PRPH2: variants seen among roughly 807,000 people sequenced by gnomAD.
PRPH2 encodes the protein peripherin 2, also known as peripherin-2.
PRPH2 carries 17 observed loss-of-function variants against 31.3 expected under a neutral mutation model. That is an observed-to-expected ratio of 0.54 (90% CI 0.37 to 0.81). The LOEUF is 0.81. Ranked by LOEUF, PRPH2 falls within the 40% of genes least tolerant of loss-of-function variation. PRPH2 has a pLI of 0.00. For synonymous variants in PRPH2, 165 were observed against 184.4 expected, an observed-to-expected ratio of 0.89 and a Z score of 0.85; for missense variants, 430 against 439.7, an observed-to-expected ratio of 0.98 and a Z score of 0.20.
At position 42,704,345 on chromosome 6, in the gene PRPH2, C is replaced by T. The variant is rs765805559; in HGVS notation, c.828+20G>A. 1.4e-4 allele frequency: 218 copies of T among 1,603,462 alleles called. No individual in the cohort carries two copies. Among genetic ancestry groups the T allele is most frequent in the Non-Finnish European group, 1.7e-4 (199 of 1,175,230 alleles). On this transcript the variant is annotated intron_variant, in intron 2 of 2. Transcript: ENST00000230381. ...CGGAGGCTCTCCTTACCCTCTACCC[C>T]CAGCTGGCCCAGGGCCTACCTCGAA...
rs534872613 is a variant in PRPH2 at position 42,715,440 on chromosome 6, G to A, written c.581+6314C>T. On this transcript the variant is annotated intron_variant, in intron 1 of 2. Transcript: ENST00000230381. ...AATCCCAGCAATTTGGGAGGCCGAG[G>A]CAGGCGGATCACTTGAGGTCAGAAG... Among the ~76,000 whole-genome samples the A allele has an allele frequency of 3.3e-5, 5 of 152,204 alleles. No homozygotes were observed. The East Asian group carries it at 9.7e-4, about 30-fold the overall frequency.
chr6:42,708,342 C>T (rs961964377), intron 1 of PRPH2, among the ~76,000 whole-genome samples: 8 of 152,260 alleles, frequency 5.3e-5, no homozygotes, highest in South Asian at 4.1e-4. Flanking sequence ...AGCCCCACTC[C>T]AGCCATGTGC....
rs59389246 is a variant in PRPH2 at position 42,704,165 on chromosome 6, G to GAATA, written c.828+196_828+199dup. 0.23 allele frequency among the ~76,000 whole-genome samples: 34,266 copies of GAATA among 150,070 alleles called. 4,000 individuals are homozygous for GAATA. Among genetic ancestry groups the GAATA allele is most frequent in the African/African-American group, 0.28 (11,231 of 40,696 alleles). On this transcript the variant is annotated intron_variant, in intron 2 of 2. Coordinates refer to ENST00000230381, the MANE Select transcript of PRPH2 (RefSeq NM_000322.5). ...GAAAGAAACCAAAAAAGAAATAAAT[G>GAATA]AATAAATAAATAAATAAATAAATAC... is the stretch of plus-strand genomic sequence containing the variant.
At chr6:42,717,671 AT>A (rs1033857074) in intron 1 of PRPH2, among the ~76,000 whole-genome samples, 1 of 152,136 alleles carries the variant, frequency 6.6e-6, no homozygotes, top group Non-Finnish European at 1.5e-5. Context: ...AACAGAAAAA[AT>A]TTTTTAGTTT....
chr6:42,722,388 C>T lies in PRPH2; in HGVS notation c.-54G>A. The T allele has an allele frequency of 1.9e-6, 3 of 1,606,860 alleles. No individual in the cohort carries two copies. The highest frequency in any genetic ancestry group is 1.7e-4 in the Middle Eastern group (1 of 5,998). ...CCACAGCACAGCTCCCACCCCAAAC[C>T]TTAACGAGCCCAGAGGCGGAGACTT... On this transcript the variant is annotated 5_prime_UTR_variant, in exon 1 of 3. Transcript: ENST00000230381. The surrounding 1 kb of genome is among the most constrained non-coding windows in gnomAD (Gnocchi z 4.4).
chr6:42,716,344 G>A (rs964607933), intron 1 of PRPH2, among the ~76,000 whole-genome samples: 1 of 151,836 alleles, frequency 6.6e-6, no homozygotes, highest in African/African-American at 2.4e-5. Context: ...ATGGTTGCTT[G>A]AAACCAGGAG....
At chr6:42,710,870 C>T (rs1261328778) in intron 1 of PRPH2, among the ~76,000 whole-genome samples, 2 of 152,218 alleles carry the variant, frequency 1.3e-5, no homozygotes, top group Non-Finnish European at 2.9e-5. Context: ...AGAACGCTGG[C>T]TGAGGGACAC....
chr6:42,722,517 G>A lies in PRPH2; in HGVS notation c.-183C>T. 1 of 1,470,228 alleles carries A rather than the reference G, an allele frequency of 6.8e-7. No individual in the cohort carries two copies. The highest frequency in any genetic ancestry group is 2.4e-5 in the Admixed American group (1 of 42,246). The allele number at this position is 1,470,228 out of a possible 1,614,324, so 91.1% of individuals were successfully genotyped here. On this transcript the variant is annotated 5_prime_UTR_variant, in exon 1 of 3. Transcript: ENST00000230381. The surrounding 1 kb of genome is among the most constrained non-coding windows in gnomAD (Gnocchi z 4.4). Reference sequence around the variant, plus strand: ...TGGGATCCCCGTGAATGCAGTAGTGGTGGCAGGGGTCTCGGAATCACAGCT... The same window carrying A: ...TGGGATCCCCGTGAATGCAGTAGTGATGGCAGGGGTCTCGGAATCACAGCT...
At chr6:42,715,497 C>T (rs927480515) in intron 1 of PRPH2, among the ~76,000 whole-genome samples, 7 of 152,044 alleles carry the variant, frequency 4.6e-5, no homozygotes, top group South Asian at 2.1e-4. Context: ...ATGGTGAAAC[C>T]CCGTCTCTAC....
chr6:42,707,369 G>A (rs966838887), intron 1 of PRPH2, among the ~76,000 whole-genome samples: 1 of 152,120 alleles, frequency 6.6e-6, no homozygotes, highest in Non-Finnish European at 1.5e-5. Flanking sequence ...CAGTCATTTT[G>A]CATATTGTGA....
At chr6:42,719,384 C>T (rs955055278) in intron 1 of PRPH2, among the ~76,000 whole-genome samples, 6 of 151,916 alleles carry the variant, frequency 3.9e-5, no homozygotes, top group African/African-American at 7.3e-5. Context: ...CTATTTTGGT[C>T]AGGCTGGTTT....
intron 1 of PRPH2, among the ~76,000 whole-genome samples, chr6:42,714,738 G>A (rs754473310): frequency 3.3e-5 from 5 of 151,982 alleles, no homozygotes; most frequent in African/African-American, 4.8e-5. Context: ...TGCTGGTATC[G>A]AACCCCTGGG....
At chr6:42,699,361 C>A (rs540634568) in intron 2 of PRPH2, among the ~76,000 whole-genome samples, 2 of 152,094 alleles carry the variant, frequency 1.3e-5, no homozygotes, top group East Asian at 3.9e-4. Context: ...CATGCCCAGC[C>A]CTTCCATTAT....
intron 1 of PRPH2, 143 bp downstream of exon 1, chr6:42,721,611 C>G: frequency 2.1e-6 from 2 of 973,912 alleles, no homozygotes; most frequent in Non-Finnish European, 3.3e-6. Context: ...CCACCTGATA[C>G]ACCCTCACAT....
At chr6:42,698,610 T>C in intron 2 of PRPH2, 103 bp from the exon 3 acceptor site, 1 of 1,517,442 alleles carries the variant, frequency 6.6e-7, no homozygotes, top group Non-Finnish European at 8.9e-7. Flanking sequence ...CAGAGAGGAC[T>C]CAACCTGAGC....
chr6:42,709,210 A>T (rs1800228856), intron 1 of PRPH2, among the ~76,000 whole-genome samples: 1 of 151,966 alleles, frequency 6.6e-6, no homozygotes, highest in Non-Finnish European at 1.5e-5. Context: ...GGCGCCTGTA[A>T]TCCTAGCTAC....
In PRPH2 at chr6:42,698,433, G is replaced by A. The variant is rs754337687; in HGVS notation, c.903C>T (p.Ser301=). The change falls in exon 3 of 3, where the codon AGC becomes AGT. Residue 301 remains serine (S), a synonymous_variant. Coordinates refer to ENST00000230381, the MANE Select transcript of PRPH2 (RefSeq NM_000322.5). ...TCTCCAGCAGCCAGCCCTGGCTCTCGCTCTCAGATTCCTCGGGGTTGGACA... is the reference window on the plus strand; with the variant it reads ...TCTCCAGCAGCCAGCCCTGGCTCTCACTCTCAGATTCCTCGGGGTTGGACA... ...DGVSNPEESE[S]ESQGWLLERS... 36 of 1,614,120 alleles carry A rather than the reference G, an allele frequency of 2.2e-5. No homozygotes were observed. The highest frequency in any genetic ancestry group is 3.3e-5 in the South Asian group (3 of 91,082).
At chr6:42,699,139 A>G (rs1800005154) in intron 2 of PRPH2, among the ~76,000 whole-genome samples, 1 of 150,014 alleles carries the variant, frequency 6.7e-6, no homozygotes, top group South Asian at 2.1e-4. Flanking sequence ...TACAAACTCT[A>G]TCTCCTGTGT....
chr6:42,711,071 T>C (rs1019533298), intron 1 of PRPH2, among the ~76,000 whole-genome samples: 5 of 152,154 alleles, frequency 3.3e-5, no homozygotes, highest in African/African-American at 1.2e-4. Flanking sequence ...TTTGAATGTG[T>C]CCCCCAAAGT....
Sources: gnomAD v4.1 joint callset for allele counts (sites outside exome capture counted in the v4.1 genomes callset) on GRCh38, gnomAD v4.1.1 for gene constraint, Gnocchi (gnomAD v3.1) non-coding constraint, MANE v1.5 for transcripts, NCBI Gene and HGNC (gene_info 2026-07-23, HGNC 2026-07-21) for gene names.